GTF2IRD1: variants seen among roughly 807,000 people sequenced by gnomAD.
The protein encoded by GTF2IRD1 is general transcription factor II-I repeat domain-containing protein 1.
Under a neutral mutation model 113.2 loss-of-function variants are expected in GTF2IRD1, and 26 were observed. That is an observed-to-expected ratio of 0.23 (90% CI 0.17 to 0.32). The LOEUF (loss-of-function observed/expected upper bound fraction) is 0.32. Ranked by LOEUF, GTF2IRD1 falls within the 10% of genes least tolerant of loss-of-function variation. The probability of loss-of-function intolerance (pLI) is 1.00; values close to 1 mark genes in which losing one functional copy is unlikely to be tolerated. For synonymous variants in GTF2IRD1, 484 were observed against 529.1 expected, an observed-to-expected ratio of 0.91 and a Z score of 1.17; for missense variants, 864 against 1,280.8, an observed-to-expected ratio of 0.67 and a Z score of 4.97.
Position 74,546,897 on chromosome 7 carries a change from T to C in GTF2IRD1, c.1733-206T>C, listed in dbSNP as rs1225652569. ...CCCTGGCTCTGCTGTTCAGTGGCTC[T>C]GTGACCTCAGACAAGTCACGTCCCC... On this transcript the variant is annotated intron_variant, in intron 16 of 26. Coordinates refer to ENST00000424337, the MANE Select transcript of GTF2IRD1 (RefSeq NM_005685.4). 4.6e-5 allele frequency among the ~76,000 whole-genome samples: 7 copies of C among 152,210 alleles called. No homozygotes were observed. In the East Asian group the frequency reaches 1.2e-3, roughly 25 times the overall value.
chr7:74,535,052 G>A (rs919864497), intron 9 of GTF2IRD1, 61 bp from the exon 10 acceptor site: 58 of 1,461,838 alleles, frequency 4.0e-5, no homozygotes, highest in East Asian at 2.0e-4. Context: ...GCATCTCCCC[G>A]AGCCCTGGGA....
At chr7:74,520,799 G>T (rs1349960190) in intron 6 of GTF2IRD1, among the ~76,000 whole-genome samples, 1 of 146,450 alleles carries the variant, frequency 6.8e-6, no homozygotes, top group East Asian at 2.0e-4. Flanking sequence ...AAGCGTTTGG[G>T]TCTAATGCTT....
intron 1 of GTF2IRD1, among the ~76,000 whole-genome samples, chr7:74,484,483 C>T (rs370076754): frequency 7.3e-6 from 1 of 136,288 alleles, no homozygotes; most frequent in Non-Finnish European, 1.5e-5. Context: ...GAATTGGAGT[C>T]TCACTCTTTC....
At chr7:74,500,304 C>T (rs1795957669) in intron 1 of GTF2IRD1, among the ~76,000 whole-genome samples, 1 of 151,962 alleles carries the variant, frequency 6.6e-6, no homozygotes, top group African/African-American at 2.4e-5. Context: ...GTAGGCCTAA[C>T]GTGGTGGCTC....
chr7:74,553,904 G>A (rs1799456590), intron 17 of GTF2IRD1, among the ~76,000 whole-genome samples: 1 of 152,184 alleles, frequency 6.6e-6, no homozygotes. Flanking sequence ...TAGCTCCTGA[G>A]ACTGTGGTTC....
chr7:74,558,382 CAG>C (rs1166399013), intron 20 of GTF2IRD1, among the ~76,000 whole-genome samples: 1 of 58,928 alleles, frequency 1.7e-5, no homozygotes, highest in Admixed American at 2.7e-4. Context: ...TTTTTTGAGA[CAG>C]GGTCTCACTC....
rs587659737 is a variant in GTF2IRD1 at position 74,547,055 on chromosome 7, C to T, written c.1733-48C>T. 101 of 1,560,802 alleles carry T rather than the reference C, an allele frequency of 6.5e-5. 1 individual carries two copies. In the African/African-American group the frequency reaches 1.1e-3, roughly 17 times the overall value. On this transcript the variant is annotated intron_variant, in intron 16 of 26. Transcript: ENST00000424337. ...GGCACGGGACACAGGGGTTGAGGCTCCTGGCCCTGTGGCACCGGGTGGCCC... is the reference window on the plus strand; with the variant it reads ...GGCACGGGACACAGGGGTTGAGGCTTCTGGCCCTGTGGCACCGGGTGGCCC...
In GTF2IRD1 at chr7:74,519,560, A is replaced by G. The variant is rs587723725; in HGVS notation, c.757A>G (p.Met253Val). The G allele has an allele frequency of 2.5e-6, 4 of 1,611,582 alleles. No homozygotes were observed. In the South Asian group the frequency reaches 3.3e-5, roughly 13 times the overall value. ...DLPPTATSSSMASFLYSTALP... is the reference protein window; with the variant it reads ...DLPPTATSSSVASFLYSTALP... ...GCCCCCAACCGCCACCTCCTCCTCC[A>G]TGGCCAGCTTCCTGTACAGCACGGC... is the stretch of plus-strand genomic sequence containing the variant. Residue 253 changes from methionine (M) to valine (V), a missense_variant, in exon 6 of 27, where the codon ATG becomes GTG. Physicochemically the swap from Met to Val is conservative, Grantham distance 21. This residue lies in a region of GTF2IRD1 where 195 missense variants were observed against 196.6 expected (regional missense o/e 0.99). Coordinates refer to ENST00000424337, the MANE Select transcript of GTF2IRD1 (RefSeq NM_005685.4).
At chr7:74,593,085 G>A (rs1467648674) in intron 24 of GTF2IRD1, among the ~76,000 whole-genome samples, 1 of 151,822 alleles carries the variant, frequency 6.6e-6, no homozygotes, top group African/African-American at 2.4e-5. Flanking sequence ...TGGAACTCCT[G>A]ACCTTAAGTG....
intron 22 of GTF2IRD1, among the ~76,000 whole-genome samples, chr7:74,586,971 C>T (rs1295309675): frequency 6.6e-6 from 1 of 152,040 alleles, no homozygotes; most frequent in East Asian, 1.9e-4. Context: ...CAGAGAGAGA[C>T]TCTCTCTACA....
At chr7:74,487,098 C>T (rs559466559) in intron 1 of GTF2IRD1, among the ~76,000 whole-genome samples, 1 of 152,096 alleles carries the variant, frequency 6.6e-6, no homozygotes, top group Non-Finnish European at 1.5e-5. Context: ...AGTGCAGTGG[C>T]GCGATCTTGG....
rs1554348325 is a variant in GTF2IRD1 at position 74,529,888 on chromosome 7, G to A, written c.1245G>A (p.Glu415=). The A allele has an allele frequency of 3.1e-6, 5 of 1,613,950 alleles. No homozygotes were observed. The highest frequency in any genetic ancestry group is 3.3e-5 in the Admixed American group (2 of 60,010). Residue 415 remains glutamate (E), a synonymous_variant, in exon 9 of 27, where the codon GAG becomes GAA. Transcript: ENST00000424337. ...GVPKLKRILE[E]RHSIHFIIKR... ...CCAAGCTGAAGCGGATCCTGGAGGA[G>A]CGCCATAGTATCCACTTCATCATTA...
chr7:74,519,463 C>A lies in GTF2IRD1; in HGVS notation c.660C>A (p.Val220=). The A allele has an allele frequency of 6.3e-7, 1 of 1,589,108 alleles. No individual in the cohort carries two copies. The highest frequency in any genetic ancestry group is 8.6e-7 in the Non-Finnish European group (1 of 1,167,670). The change falls in exon 6 of 27, where the codon GTC becomes GTA. Residue 220 remains valine, a synonymous_variant. Coordinates refer to ENST00000424337, the MANE Select transcript of GTF2IRD1 (RefSeq NM_005685.4). ...DSKALVELNG[V]SLIPKGSRDC... ...AGGCCCTGGTGGAGCTGAACGGTGT[C>A]TCCCTGATTCCCAAGGGGTCACGGG...
chr7:74,599,120 C>T (rs1290032564), intron 25 of GTF2IRD1, among the ~76,000 whole-genome samples: 1 of 152,044 alleles, frequency 6.6e-6, no homozygotes, highest in Admixed American at 6.6e-5. Context: ...CATACAGAGA[C>T]CCCGTCTCTA....
chr7:74,559,143 C>G lies in GTF2IRD1; in HGVS notation c.2291+99C>G, dbSNP rs587620135. The G allele has an allele frequency of 1.3e-5, 15 of 1,147,740 alleles. 1 individual carries two copies. The highest frequency in any genetic ancestry group is 7.2e-5 in the East Asian group (3 of 41,402). 71.1% of individuals were successfully genotyped at this position (1,147,740 alleles called of 1,614,324 possible). On this transcript the variant is annotated intron_variant, in intron 21 of 26. Coordinates refer to ENST00000424337, the MANE Select transcript of GTF2IRD1 (RefSeq NM_005685.4). ...CCTTTCCCTAGGTCCTGCCCTCCCC[C>G]CTGGACAAGGTGGCTCTCCTGGCAC... is the stretch of plus-strand genomic sequence containing the variant.
intron 22 of GTF2IRD1, among the ~76,000 whole-genome samples, chr7:74,586,087 C>T (rs1308616331): frequency 6.6e-6 from 1 of 152,164 alleles, no homozygotes; most frequent in African/African-American, 2.4e-5. Flanking sequence ...AGCATCTGCA[C>T]ACAGTGATGT....
At chr7:74,575,082 C>G (rs1800953178) in intron 22 of GTF2IRD1, among the ~76,000 whole-genome samples, 1 of 130,590 alleles carries the variant, frequency 7.7e-6, no homozygotes, top group Admixed American at 8.6e-5. Context: ...AAGAGCGAAA[C>G]TCCGTCTCAA....
intron 17 of GTF2IRD1, among the ~76,000 whole-genome samples, chr7:74,548,520 A>C (rs1799098756): frequency 6.6e-6 from 1 of 152,184 alleles, no homozygotes. Context: ...CTATAATCCC[A>C]GCACTTTGGG....
rs781805917 is a variant in GTF2IRD1 at position 74,529,819 on chromosome 7, C to G, written c.1176C>G (p.Ile392Met). 1.9e-6 allele frequency: 3 copies of G among 1,613,852 alleles called. No individual in the cohort carries two copies. Among genetic ancestry groups the G allele is most frequent in the Non-Finnish European group, 1.7e-6 (2 of 1,179,896 alleles). Residue 392 changes from isoleucine to methionine, a missense_variant, in exon 9 of 27, where the codon ATC becomes ATG. Physicochemically the swap from Ile to Met is conservative, Grantham distance 10. This residue lies in a region of GTF2IRD1 where 218 missense variants were observed against 352.6 expected (regional missense o/e 0.62). Coordinates refer to ENST00000424337, the MANE Select transcript of GTF2IRD1 (RefSeq NM_005685.4). The part of the protein sequence containing the change: ...CDPEAVEIVG[I>M]PDKIPFKRPC... ...CGGAGGCTGTGGAGATCGTGGGCAT[C>G]CCGGACAAGATCCCCTTCAAGCGCC...
Sources: allele counts gnomAD v4.1 joint callset (sites outside exome capture counted in the v4.1 genomes callset), GRCh38; gene constraint gnomAD v4.1.1; regional missense constraint gnomAD v4.1.1; transcripts MANE v1.5; gene names NCBI Gene and HGNC (gene_info 2026-07-23, HGNC 2026-07-21).